The following PPP1R12B variants were observed in gnomAD, a reference collection of about 807,000 sequenced individuals.
The protein encoded by PPP1R12B is protein phosphatase 1 regulatory subunit 12B.
A neutral mutation model predicts 126.1 loss-of-function variants in PPP1R12B; 76 were observed. That is an observed-to-expected ratio of 0.60 (90% confidence interval 0.50 to 0.73). The LOEUF is 0.73. PPP1R12B is among the 30% of genes least tolerant of loss of function. PPP1R12B has a pLI of 0.00. For missense variants in PPP1R12B, 1,052 were observed against 1,205.1 expected (o/e 0.87, Z 1.88); for synonymous variants, 356 against 434.7 (o/e 0.82, Z 2.25).
intron 1 of PPP1R12B, among the ~76,000 whole-genome samples, chr1:202,361,933 G>A (rs1253714747): frequency 1.3e-5 from 2 of 152,088 alleles, no homozygotes; most frequent in Non-Finnish European, 2.9e-5. Context: ...TGGGTTGATT[G>A]GCTGGCTTTT....
At chr1:202,454,887 A>T (rs1269473446) in intron 13 of PPP1R12B, among the ~76,000 whole-genome samples, 3 of 151,754 alleles carry the variant, frequency 2.0e-5, no homozygotes, top group African/African-American at 7.3e-5. Flanking sequence ...ACACCACTGT[A>T]CTCTATCCTC....
intron 3 of PPP1R12B, among the ~76,000 whole-genome samples, chr1:202,425,071 A>C (rs10158100): frequency 6.6e-6 from 1 of 152,124 alleles, no homozygotes; most frequent in African/African-American, 2.4e-5. Flanking sequence ...AGAGGGACCC[A>C]GGATATCGGA....
At chr1:202,441,967 G>A (rs536347077) in intron 11 of PPP1R12B, among the ~76,000 whole-genome samples, 96 of 151,578 alleles carry the variant, frequency 6.3e-4, no homozygotes, top group African/African-American at 2.1e-3. Flanking sequence ...AGCGATTCTC[G>A]TGCCTCAGCC....
chr1:202,511,268 G>A (rs1681470169), intron 18 of PPP1R12B, among the ~76,000 whole-genome samples: 1 of 151,450 alleles, frequency 6.6e-6, no homozygotes, highest in African/African-American at 2.4e-5. Context: ...CCAGGCTGGA[G>A]TGCAGTGGCG....
intron 18 of PPP1R12B, among the ~76,000 whole-genome samples, chr1:202,504,896 A>G (rs754139063): frequency 1.6e-4 from 24 of 152,256 alleles, no homozygotes; most frequent in Admixed American, 4.6e-4. Flanking sequence ...GAGCTAATAC[A>G]TTTAAATAGA....
intron 18 of PPP1R12B, among the ~76,000 whole-genome samples, chr1:202,530,115 A>G (rs1312495623): frequency 6.6e-6 from 1 of 152,164 alleles, no homozygotes; most frequent in Non-Finnish European, 1.5e-5. Context: ...ATACCCTGTT[A>G]GTGCTTCTGA....
intron 18 of PPP1R12B, among the ~76,000 whole-genome samples, chr1:202,546,127 G>A (rs1320833377): frequency 3.9e-5 from 6 of 152,198 alleles, no homozygotes; most frequent in South Asian, 2.1e-4. Flanking sequence ...GCAGTATTCC[G>A]GGTGAGAAAT....
At chr1:202,397,718 A>G (rs1346095103) in intron 1 of PPP1R12B, among the ~76,000 whole-genome samples, 1 of 152,236 alleles carries the variant, frequency 6.6e-6, no homozygotes, top group Non-Finnish European at 1.5e-5. Context: ...ACATATTGGA[A>G]GAAAAAAAGT....
intron 1 of PPP1R12B, among the ~76,000 whole-genome samples, chr1:202,378,247 C>CTTTTTTTTT (rs386369339): frequency 1.3e-4 from 12 of 93,346 alleles, no homozygotes; most frequent in South Asian, 4.3e-4. Context: ...TGTCTTCATT[C>CTTTTTTTTT]TTTTTTTTTT....
chr1:202,371,481 AGTGTGTGT>A (rs373210842), intron 1 of PPP1R12B, among the ~76,000 whole-genome samples: 1 of 148,428 alleles, frequency 6.7e-6, no homozygotes, highest in African/African-American at 2.5e-5. Flanking sequence ...CATTATTTGG[AGTGTGTGT>A]GTGTGTGTGT....
At chr1:202,467,086 A>G (rs1480691637) in intron 13 of PPP1R12B, among the ~76,000 whole-genome samples, 1 of 152,022 alleles carries the variant, frequency 6.6e-6, no homozygotes, top group East Asian at 1.9e-4. Flanking sequence ...CCCACCCACC[A>G]TTCCACCATC....
rs1689675008 is a variant in PPP1R12B at position 202,583,835 on chromosome 1, C to T, written c.*3275C>T. ...ATGGCCAACAACATGGGGCTCAGGT[C>T]TGTCACTTAACTTAGAGTCTTTACA... On this transcript the variant is annotated 3_prime_UTR_variant, in exon 24 of 24. Transcript: ENST00000608999. 6.6e-6 allele frequency: 1 copy of T among 152,208 alleles called. No individual in the cohort carries two copies. The highest frequency in any genetic ancestry group is 2.4e-5 in the African/African-American group (1 of 41,446). 9.4% of individuals were successfully genotyped at this position (152,208 alleles called of 1,614,324 possible).
chr1:202,442,825 T>A (rs540978923), intron 12 of PPP1R12B, among the ~76,000 whole-genome samples: 95 of 152,252 alleles, frequency 6.2e-4, no homozygotes, highest in African/African-American at 2.1e-3. Context: ...TATTAAAACT[T>A]TCAATCAGAA....
chr1:202,445,809 A>G (rs1450852671), intron 12 of PPP1R12B, among the ~76,000 whole-genome samples: 1 of 152,192 alleles, frequency 6.6e-6, no homozygotes, highest in African/African-American at 2.4e-5. Context: ...AAGGGATAGC[A>G]TGGTAGAATG....
intron 19 of PPP1R12B, among the ~76,000 whole-genome samples, chr1:202,560,833 C>G (rs1572510689): frequency 6.6e-6 from 1 of 151,980 alleles, no homozygotes; most frequent in South Asian, 2.1e-4. Context: ...AATTTAAAAT[C>G]TCTAAGTAAG....
In PPP1R12B at chr1:202,516,878, C is replaced by T. The variant is rs1257680987; in HGVS notation, c.2490+20056C>T. ...AAAGGAGCATTTTCCACATGTTATG[C>T]TAACAGTTATGAAAATAGCTAGTTA... On this transcript the variant is annotated intron_variant, in intron 18 of 23. Transcript: ENST00000608999. Among the ~76,000 whole-genome samples, 6 of 152,074 alleles carry T rather than the reference C, an allele frequency of 3.9e-5. No homozygotes were observed. The East Asian group carries it at 7.7e-4, about 19-fold the overall frequency.
rs546778549 is a variant in PPP1R12B at position 202,592,208 on chromosome 1, C to G, written c.*11648C>G. 7 of 152,882 alleles carry G rather than the reference C, an allele frequency of 4.6e-5. No individual in the cohort carries two copies. The highest frequency in any genetic ancestry group is 1.7e-4 in the African/African-American group (7 of 41,572). 9.5% of individuals were successfully genotyped at this position (152,882 alleles called of 1,614,324 possible). ...ACACATACACAGAACATGGAAGCTA[C>G]TGGGATGCCAGATACCAGGCTGGAC... On this transcript the variant is annotated 3_prime_UTR_variant, in exon 24 of 24. Coordinates refer to ENST00000608999, the MANE Select transcript of PPP1R12B (RefSeq NM_002481.4).
At chr1:202,366,472 C>T (rs1004165935) in intron 1 of PPP1R12B, among the ~76,000 whole-genome samples, 7 of 128,210 alleles carry the variant, frequency 5.5e-5, no homozygotes, top group East Asian at 2.3e-4. Context: ...GAGCCAAGAA[C>T]GCACCACTGC....
At chr1:202,535,014 G>A (rs900933447) in intron 18 of PPP1R12B, among the ~76,000 whole-genome samples, 8 of 151,868 alleles carry the variant, frequency 5.3e-5, no homozygotes, top group Non-Finnish European at 1.2e-4. Context: ...GAGCATGACC[G>A]CATGCTAGGC....
Sources: allele counts gnomAD v4.1 joint callset (sites outside exome capture counted in the v4.1 genomes callset), GRCh38; gene constraint gnomAD v4.1.1; transcripts MANE v1.5; gene names NCBI Gene and HGNC (gene_info 2026-07-23, HGNC 2026-07-21).